The following ARHGAP25 variants were observed in gnomAD, a reference collection of about 807,000 sequenced individuals.
ARHGAP25 encodes rho GTPase-activating protein 25.
ARHGAP25 carries 34 observed loss-of-function variants against 71.0 expected under a neutral mutation model. The ratio of observed to expected loss-of-function variants is 0.48; its 90% CI spans 0.36 to 0.64. The LOEUF (loss-of-function observed/expected upper bound fraction) is 0.64. ARHGAP25 is among the 30% of genes least tolerant of loss of function. The probability of loss-of-function intolerance (pLI) is 0.00; values close to 1 mark genes in which losing one functional copy is unlikely to be tolerated. For synonymous variants in ARHGAP25, 282 were observed against 296.5 expected (o/e 0.95, Z 0.50); for missense variants, 706 against 805.1 (o/e 0.88, Z 1.49).
At position 68,826,751 on chromosome 2, in the gene ARHGAP25, C is replaced by G. The variant is rs1373100361; in HGVS notation, c.*557C>G. ...TTCTCCAACTTACTATTAGACTAAACCAGAACAAGCAACAAACTGTATTTA... is the reference window on the plus strand; with the variant it reads ...TTCTCCAACTTACTATTAGACTAAAGCAGAACAAGCAACAAACTGTATTTA... On this transcript the variant is annotated 3_prime_UTR_variant, in exon 11 of 11. Coordinates refer to ENST00000409202, the MANE Select transcript of ARHGAP25 (RefSeq NM_001007231.3). 1 of 162,178 alleles carries G rather than the reference C, an allele frequency of 6.2e-6. No homozygotes were observed. Among genetic ancestry groups the G allele is most frequent in the Non-Finnish European group, 1.4e-5 (1 of 73,696 alleles). The allele number at this position is 162,178 out of a possible 1,614,324, so 10.0% of individuals were successfully genotyped here. A position where few individuals can be genotyped will look rare whatever the true frequency, so the allele number is the denominator to read the frequency against.
At position 68,775,399 on chromosome 2, in the gene ARHGAP25, T is replaced by C; in HGVS notation, c.240T>C (p.Asp80=). The C allele has an allele frequency of 6.2e-7, 1 of 1,614,178 alleles. No individual in the cohort carries two copies. The highest frequency in any genetic ancestry group is 8.5e-7 in the Non-Finnish European group (1 of 1,180,028). ...LRAQQLYYYK[D]EEDTKPQGCM... is the part of the protein sequence containing the mutation. ...CGCAGCAGCTCTACTACTACAAGGA[T>C]GAAGAGGACACGAAGCCCCAGGTAC... The change falls in exon 2 of 11, where the codon GAT becomes GAC. Residue 80 remains aspartate, a synonymous_variant. Coordinates refer to ENST00000409202, the MANE Select transcript of ARHGAP25 (RefSeq NM_001007231.3).
intron 1 of ARHGAP25, among the ~76,000 whole-genome samples, chr2:68,762,659 A>T (rs1345466667): frequency 1.3e-5 from 2 of 152,100 alleles, no homozygotes; most frequent in Non-Finnish European, 2.9e-5. Context: ...ACAAAAGCTT[A>T]GTTGGTCCTT....
chr2:68,761,005 GAAACAGATGAATGGAATA>G (rs1676778974), intron 1 of ARHGAP25, among the ~76,000 whole-genome samples: 1 of 151,878 alleles, frequency 6.6e-6, no homozygotes, highest in South Asian at 2.1e-4. Context: ...CATAAAGACA[GAAACAGATGAATGGAATA>G]GAATAGATTG....
At chr2:68,807,786 G>A (rs1680483746) in intron 5 of ARHGAP25, among the ~76,000 whole-genome samples, 1 of 152,186 alleles carries the variant, frequency 6.6e-6, no homozygotes, top group Non-Finnish European at 1.5e-5. Context: ...AGAAAGATGG[G>A]ACGTTGCCTG....
chr2:68,813,155 CA>C, intron 5 of ARHGAP25, 131 bp from the exon 6 acceptor site: 1 of 969,014 alleles, frequency 1.0e-6, no homozygotes, highest in South Asian at 2.2e-5. Flanking sequence ...TCTTCTTTAT[CA>C]GACTACTCCT....
chr2:68,735,664 G>A (rs1464546335), intron 1 of ARHGAP25: 2 of 183,390 alleles, frequency 1.1e-5, no homozygotes, highest in Non-Finnish European at 2.3e-5. Context: ...AATTCAATGG[G>A]TGTTCTGTTT....
chr2:68,743,269 G>C (rs1011967673), intron 1 of ARHGAP25, among the ~76,000 whole-genome samples: 1 of 152,144 alleles, frequency 6.6e-6, no homozygotes, highest in African/African-American at 2.4e-5. Context: ...CTGAAGTGAG[G>C]TTGGAAGTTG....
At chr2:68,804,326 T>A (rs757758527) in intron 4 of ARHGAP25, among the ~76,000 whole-genome samples, 2 of 152,200 alleles carry the variant, frequency 1.3e-5, no homozygotes, top group Non-Finnish European at 2.9e-5. Context: ...CTCTGGAGCC[T>A]GAGTTTCAAC....
intron 2 of ARHGAP25, among the ~76,000 whole-genome samples, chr2:68,726,199 G>C (rs896900182): frequency 6.6e-5 from 10 of 152,160 alleles, no homozygotes; most frequent in Non-Finnish European, 1.3e-4. Context: ...AGCACCTAGA[G>C]CACTGCCTGA....
chr2:68,750,559 G>T (rs149692478), intron 1 of ARHGAP25, among the ~76,000 whole-genome samples: 1 of 152,112 alleles, frequency 6.6e-6, no homozygotes, highest in Non-Finnish European at 1.5e-5. Context: ...GACCTCAGGT[G>T]ATCCTCCCGC....
At chr2:68,785,783 A>G (rs1474768593) in intron 3 of ARHGAP25, among the ~76,000 whole-genome samples, 3 of 152,178 alleles carry the variant, frequency 2.0e-5, no homozygotes, top group African/African-American at 7.2e-5. Flanking sequence ...CTTTAGGCAG[A>G]TTAAGAAAAG....
intron 1 of ARHGAP25, among the ~76,000 whole-genome samples, chr2:68,752,500 C>T (rs910030708): frequency 6.6e-6 from 1 of 152,128 alleles, no homozygotes; most frequent in Non-Finnish European, 1.5e-5. Context: ...TTTCCCAACT[C>T]CACCTTTCTA....
At chr2:68,718,937 G>C (rs924042643) in intron 2 of ARHGAP25, among the ~76,000 whole-genome samples, 1 of 152,094 alleles carries the variant, frequency 6.6e-6, no homozygotes, top group Non-Finnish European at 1.5e-5. Flanking sequence ...AGAAGAGCTA[G>C]AGATTGAGTT....
intron 4 of ARHGAP25, among the ~76,000 whole-genome samples, chr2:68,803,712 T>C (rs1680168022): frequency 6.8e-6 from 1 of 147,626 alleles, no homozygotes; most frequent in African/African-American, 2.5e-5. Context: ...AGATGAAAGG[T>C]AGGGCCCTTT....
chr2:68,754,434 T>C (rs1676362161), intron 1 of ARHGAP25, among the ~76,000 whole-genome samples: 1 of 152,258 alleles, frequency 6.6e-6, no homozygotes, highest in South Asian at 2.1e-4. Context: ...GATAGTTTTG[T>C]CCTTTTTATT....
intron 2 of ARHGAP25, among the ~76,000 whole-genome samples, chr2:68,718,299 C>G (rs1674668114): frequency 6.6e-6 from 1 of 152,150 alleles, no homozygotes; most frequent in African/African-American, 2.4e-5. Context: ...CATTTTCTCA[C>G]CTTTCCCAGC....
chr2:68,805,301 A>G (rs528627789), intron 4 of ARHGAP25, among the ~76,000 whole-genome samples: 1 of 152,208 alleles, frequency 6.6e-6, no homozygotes, highest in South Asian at 2.1e-4. Flanking sequence ...GCCAGCCTTG[A>G]TTCTCAAACT....
intron 4 of ARHGAP25, among the ~76,000 whole-genome samples, chr2:68,804,790 A>T (rs1019486305): frequency 1.6e-4 from 24 of 152,250 alleles, no homozygotes; most frequent in African/African-American, 5.8e-4. Context: ...ACCATTAGTC[A>T]TGTGAAATAC....
chr2:68,782,707 A>G (rs2104391118), intron 3 of ARHGAP25, among the ~76,000 whole-genome samples: 1 of 152,342 alleles, frequency 6.6e-6, no homozygotes, highest in Non-Finnish European at 1.5e-5. Flanking sequence ...TATAAATGGA[A>G]CCACGTGAAA....
Sources: allele counts gnomAD v4.1 joint callset (sites outside exome capture counted in the v4.1 genomes callset), GRCh38; gene constraint gnomAD v4.1.1; transcripts MANE v1.5; gene names NCBI Gene and HGNC (gene_info 2026-07-23, HGNC 2026-07-21).